The following ADK variants were observed in gnomAD, a reference collection of about 807,000 sequenced individuals.
ADK encodes adenosine kinase, also known as N6,N6-dimethyladenosine kinase.
A neutral mutation model predicts 44.7 loss-of-function variants in ADK; 24 were observed. That is an observed-to-expected ratio of 0.54 (90% CI 0.39 to 0.76). The LOEUF (loss-of-function observed/expected upper bound fraction) is 0.76. ADK is among the 30% of genes least tolerant of loss of function. The pLI, the probability that ADK is intolerant of heterozygous loss-of-function variation, is 0.00. For missense variants in ADK, 321 were observed against 425.1 expected, an observed-to-expected ratio of 0.76 and a Z score of 2.15; for synonymous variants, 128 against 142.6, an observed-to-expected ratio of 0.90 and a Z score of 0.73.
intron 3 of ADK, among the ~76,000 whole-genome samples, chr10:74,289,781 G>A (rs140832733): frequency 1.5e-4 from 23 of 149,902 alleles, no homozygotes; most frequent in African/African-American, 3.4e-4. Context: ...TGGCTCTGAC[G>A]TTGACTACTA....
rs568997593 is a variant in ADK, at chr10:74,241,286, C to T, written c.194+16695C>T. Among the ~76,000 whole-genome samples the T allele has an allele frequency of 2.6e-5, 4 of 152,326 alleles. No homozygotes were observed. The East Asian group carries it at 7.7e-4, about 29-fold the overall frequency. Reference sequence around the variant, plus strand: ...GATACAGAGATTTCCCATAATCCTCCTGCCCTCACACATGAATAGCCTCCC... The same window carrying T: ...GATACAGAGATTTCCCATAATCCTCTTGCCCTCACACATGAATAGCCTCCC... On this transcript the variant is annotated intron_variant, in intron 3 of 10. Transcript: ENST00000539909.
intron 9 of ADK, among the ~76,000 whole-genome samples, chr10:74,608,213 C>G (rs980894035): frequency 1.3e-5 from 2 of 151,840 alleles, no homozygotes; most frequent in Non-Finnish European, 2.9e-5. Flanking sequence ...TATTACCCAC[C>G]TTCTGAAGCC....
intron 3 of ADK, among the ~76,000 whole-genome samples, chr10:74,254,893 T>G (rs2132348918): frequency 2.6e-5 from 4 of 152,340 alleles, no homozygotes; most frequent in Admixed American, 2.6e-4. Flanking sequence ...GGCTAGTGGA[T>G]AATCATTGTT....
At chr10:74,509,987 T>C (rs752128178) in intron 6 of ADK, among the ~76,000 whole-genome samples, 8 of 152,236 alleles carry the variant, frequency 5.3e-5, no homozygotes, top group Non-Finnish European at 8.8e-5. Context: ...TCATTTGTTG[T>C]TGGACACCTA....
At chr10:74,487,409 A>C (rs1481377778) in intron 6 of ADK, among the ~76,000 whole-genome samples, 2 of 151,992 alleles carry the variant, frequency 1.3e-5, no homozygotes, top group Non-Finnish European at 2.9e-5. Context: ...AACAGATTTT[A>C]AGAGTTACAG....
intron 9 of ADK, among the ~76,000 whole-genome samples, chr10:74,663,777 A>C (rs1036549850): frequency 6.6e-6 from 1 of 152,218 alleles, no homozygotes; most frequent in Non-Finnish European, 1.5e-5. Flanking sequence ...TTATGCCTCA[A>C]AAGTCCTTGT....
intron 4 of ADK, among the ~76,000 whole-genome samples, chr10:74,372,747 T>C (rs572633013): frequency 6.6e-6 from 1 of 152,140 alleles, no homozygotes; most frequent in Non-Finnish European, 1.5e-5. Context: ...TTTGAAAAGA[T>C]TTAATATTTT....
chr10:74,672,741 G>C (rs1266139673), intron 10 of ADK, among the ~76,000 whole-genome samples: 4 of 152,104 alleles, frequency 2.6e-5, no homozygotes, highest in Admixed American at 2.6e-4. Flanking sequence ...CTTTTATACA[G>C]TACCTACTAA....
intron 3 of ADK, among the ~76,000 whole-genome samples, chr10:74,306,042 A>AT (rs889203857): frequency 6.1e-4 from 89 of 146,740 alleles, no homozygotes; most frequent in African/African-American, 1.4e-3. Flanking sequence ...TATTTTTTCA[A>AT]TTTTTTTTTT....
At chr10:74,321,324 C>T (rs1840801161) in intron 4 of ADK, among the ~76,000 whole-genome samples, 1 of 151,790 alleles carries the variant, frequency 6.6e-6, no homozygotes, top group Admixed American at 6.6e-5. Flanking sequence ...TGCTCTGTCA[C>T]CCAGGCTGGA....
chr10:74,353,874 A>G (rs1182654324), intron 4 of ADK, among the ~76,000 whole-genome samples: 1 of 152,218 alleles, frequency 6.6e-6, no homozygotes, highest in East Asian at 1.9e-4. Context: ...TTTCAAAGAA[A>G]AAAAAACTTC....
intron 7 of ADK, among the ~76,000 whole-genome samples, chr10:74,573,399 G>A (rs1391809610): frequency 6.6e-6 from 1 of 152,208 alleles, no homozygotes; most frequent in Non-Finnish European, 1.5e-5. Flanking sequence ...CGTGTGAGGT[G>A]TCAGTCTGCC....
In ADK at chr10:74,601,988, C is replaced by CTGGCTACT. The variant is rs1589288104; in HGVS notation, c.877+1499_877+1506dup. Among the ~76,000 whole-genome samples, 3 of 149,922 alleles carry CTGGCTACT rather than the reference C, an allele frequency of 2.0e-5. No individual in the cohort carries two copies. The East Asian group carries it at 5.9e-4, about 29-fold the overall frequency. On this transcript the variant is annotated intron_variant, in intron 9 of 10. Transcript: ENST00000539909. ...AGAGTAGTGGCACATGCCCATAGTC[C>CTGGCTACT]TGGCTACTTGGGAGGCTGATGCAAG... is the stretch of plus-strand genomic sequence containing the variant.
At chr10:74,269,084 C>T (rs1564625701) in intron 3 of ADK, among the ~76,000 whole-genome samples, 1 of 152,096 alleles carries the variant, frequency 6.6e-6, no homozygotes, top group African/African-American at 2.4e-5. Flanking sequence ...TTAAATGTAA[C>T]ATTAATTTTT....
At chr10:74,586,819 A>G (rs764176374) in intron 7 of ADK, among the ~76,000 whole-genome samples, 7 of 151,240 alleles carry the variant, frequency 4.6e-5, no homozygotes, top group African/African-American at 1.7e-4. Context: ...GCACCACTGC[A>G]CTCCAGCCAG....
At chr10:74,393,992 C>A in intron 4 of ADK, 149 bp from the exon 5 acceptor site, 2 of 807,380 alleles carry the variant, frequency 2.5e-6, no homozygotes, top group Non-Finnish European at 4.2e-6. Context: ...TTTTTTTAAT[C>A]GTAAGTGATA....
intron 1 of ADK, among the ~76,000 whole-genome samples, chr10:74,183,630 C>A (rs1296956557): frequency 6.6e-6 from 1 of 151,710 alleles, no homozygotes; most frequent in East Asian, 2.0e-4. Flanking sequence ...CCTGACACAG[C>A]CTCCCTAGTA....
intron 7 of ADK, among the ~76,000 whole-genome samples, chr10:74,581,648 GAAA>G (rs1192280573): frequency 6.6e-6 from 1 of 151,026 alleles, no homozygotes; most frequent in Non-Finnish European, 1.5e-5. Context: ...CAGTAATAAA[GAAA>G]AAAAACTTAA....
At chr10:74,567,153 A>G (rs1850699544) in intron 7 of ADK, among the ~76,000 whole-genome samples, 1 of 152,182 alleles carries the variant, frequency 6.6e-6, no homozygotes, top group Non-Finnish European at 1.5e-5. Context: ...TTATCTCATT[A>G]TTTTATGAAA....
Sources: gnomAD v4.1 joint callset for allele counts (sites outside exome capture counted in the v4.1 genomes callset) on GRCh38, gnomAD v4.1.1 for gene constraint, MANE v1.5 for transcripts, NCBI Gene and HGNC (gene_info 2026-07-23, HGNC 2026-07-21) for gene names.